The following KALRN variants were observed in gnomAD, a reference collection of about 807,000 sequenced individuals.
KALRN encodes the protein kalirin RhoGEF kinase, also known as kalirin.
In KALRN, 70 loss-of-function variants were observed where a neutral mutation model predicts 353.7. That is an observed-to-expected ratio of 0.20 (90% CI 0.16 to 0.24). KALRN has a LOEUF of 0.24. Ranked by LOEUF, KALRN falls within the 10% of genes least tolerant of loss-of-function variation. The pLI, the probability that KALRN is intolerant of heterozygous loss-of-function variation, is 1.00. For missense variants in KALRN, 2,791 were observed against 3,756.7 expected (o/e 0.74, Z 6.72); for synonymous variants, 1,391 against 1,434.8 (o/e 0.97, Z 0.69).
intron 39 of KALRN, 143 bp downstream of exon 39, chr3:124,655,810 A>C: frequency 3.1e-6 from 2 of 649,560 alleles, no homozygotes; most frequent in Admixed American, 5.2e-5. Flanking sequence ...AATGGTAATA[A>C]GTAGAATATG....
chr3:124,308,686 T>C (rs1057032457), intron 6 of KALRN, among the ~76,000 whole-genome samples: 1 of 151,892 alleles, frequency 6.6e-6, no homozygotes, highest in Non-Finnish European at 1.5e-5. Flanking sequence ...AGAGAGAACA[T>C]ATAGTTGTAA....
At chr3:124,439,176 C>G in intron 18 of KALRN, 139 bp downstream of exon 18, 2 of 649,756 alleles carry the variant, frequency 3.1e-6, no homozygotes, top group Non-Finnish European at 5.0e-6. Context: ...TCCTCCTCCT[C>G]CTTCTTCTCC....
chr3:124,126,380 C>T (rs904442869), intron 1 of KALRN, among the ~76,000 whole-genome samples: 1 of 152,100 alleles, frequency 6.6e-6, no homozygotes, highest in African/African-American at 2.4e-5. Flanking sequence ...TTCTTTCTTT[C>T]AATCATTGAA....
intron 1 of KALRN, among the ~76,000 whole-genome samples, chr3:124,194,478 C>G (rs2075243257): frequency 7.4e-6 from 1 of 134,294 alleles, no homozygotes; most frequent in Non-Finnish European, 1.8e-5. Context: ...ATAGAACTAC[C>G]TACTGCATGG....
At chr3:124,443,614 A>G (rs2093737305) in intron 19 of KALRN, among the ~76,000 whole-genome samples, 1 of 152,242 alleles carries the variant, frequency 6.6e-6, no homozygotes, top group African/African-American at 2.4e-5. Context: ...TTCCAAATGT[A>G]GATGGGAGCT....
intron 34 of KALRN, among the ~76,000 whole-genome samples, chr3:124,622,677 C>T (rs1473583211): frequency 6.6e-6 from 1 of 152,216 alleles, no homozygotes; most frequent in Admixed American, 6.5e-5. Flanking sequence ...AAGCTCCTAA[C>T]ACTATTAGAA....
chr3:124,637,432 T>C, intron 37 of KALRN, 129 bp downstream of exon 37: 1 of 734,294 alleles, frequency 1.4e-6, no homozygotes, highest in South Asian at 1.6e-5. Flanking sequence ...CTAATGATGG[T>C]TTCTAAAAAG....
intron 14 of KALRN, among the ~76,000 whole-genome samples, chr3:124,416,026 C>T (rs2092474213): frequency 6.6e-6 from 1 of 152,146 alleles, no homozygotes; most frequent in Admixed American, 6.5e-5. Context: ...GGGATTTAGC[C>T]CCATGGCCTG....
At chr3:124,465,027 C>T (rs2060198562) in intron 25 of KALRN, among the ~76,000 whole-genome samples, 1 of 152,112 alleles carries the variant, frequency 6.6e-6, no homozygotes, top group African/African-American at 2.4e-5. Flanking sequence ...AGGCAAATAA[C>T]TGTACTGCAT....
intron 45 of KALRN, 116 bp downstream of exon 45, chr3:124,662,044 C>T: frequency 2.5e-6 from 2 of 797,792 alleles, no homozygotes; most frequent in Non-Finnish European, 4.4e-6. Flanking sequence ...TCACTCACCA[C>T]TATGCCTTCC....
At chr3:124,305,903 T>TA (rs984780147) in intron 6 of KALRN, among the ~76,000 whole-genome samples, 3 of 150,332 alleles carry the variant, frequency 2.0e-5, no homozygotes, top group African/African-American at 7.4e-5. Context: ...AGAAAAAAAA[T>TA]AAAAAACAGT....
At chr3:124,088,019 T>C (rs1449944197) in intron 1 of KALRN, among the ~76,000 whole-genome samples, 1 of 152,222 alleles carries the variant, frequency 6.6e-6, no homozygotes, top group African/African-American at 2.4e-5. Flanking sequence ...TTTAAAAATA[T>C]GTATATAAGC....
chr3:124,255,728 C>A (rs1383246485), intron 3 of KALRN, among the ~76,000 whole-genome samples: 5 of 151,960 alleles, frequency 3.3e-5, no homozygotes, highest in African/African-American at 1.2e-4. Context: ...TATCCCAGTG[C>A]AGATGGAGCA....
At chr3:124,186,416 G>A (rs1297021489) in intron 1 of KALRN, among the ~76,000 whole-genome samples, 1 of 152,208 alleles carries the variant, frequency 6.6e-6, no homozygotes, top group Non-Finnish European at 1.5e-5. Flanking sequence ...CCATGGGGTT[G>A]TAGTAGGGAT....
chr3:124,559,370 G>C (rs2071661012), intron 33 of KALRN, among the ~76,000 whole-genome samples: 1 of 152,212 alleles, frequency 6.6e-6, no homozygotes, highest in Non-Finnish European at 1.5e-5. Context: ...CAGGCACTTG[G>C]AGGGAAGCCA....
intron 10 of KALRN, among the ~76,000 whole-genome samples, chr3:124,351,026 C>T (rs916231355): frequency 1.3e-5 from 2 of 152,140 alleles, no homozygotes; most frequent in Non-Finnish European, 2.9e-5. Flanking sequence ...ATGCTGACCA[C>T]AGTGAAGGCA....
At chr3:124,318,140 G>A (rs1005018839) in intron 6 of KALRN, among the ~76,000 whole-genome samples, 4 of 152,202 alleles carry the variant, frequency 2.6e-5, no homozygotes, top group Non-Finnish European at 4.4e-5. Flanking sequence ...ATTGCTATGG[G>A]CAAGCCAGGC....
Position 124,350,981 on chromosome 3 carries a change from G to A in KALRN, c.1770+3716G>A, listed in dbSNP as rs184047270. 3.3e-4 allele frequency among the ~76,000 whole-genome samples: 50 copies of A among 152,250 alleles called. 2 individuals carry two copies. The East Asian group carries it at 8.3e-3, about 25-fold the overall frequency. On this transcript the variant is annotated intron_variant, in intron 10 of 59. Coordinates refer to ENST00000682506, the MANE Select transcript of KALRN (RefSeq NM_001388419.1). ...CCACTCTGGGAGATTGAGTGGCCCA[G>A]CATCCTGGGATTGTTAGTCCACATA...
chr3:124,216,052 A>T (rs1468533853), intron 1 of KALRN, among the ~76,000 whole-genome samples: 1 of 151,998 alleles, frequency 6.6e-6, no homozygotes, highest in Non-Finnish European at 1.5e-5. Flanking sequence ...TGTCTACAAA[A>T]CTCATTTTGT....
Sources: gnomAD v4.1 joint callset for allele counts (sites outside exome capture counted in the v4.1 genomes callset) on GRCh38, gnomAD v4.1.1 for gene constraint, MANE v1.5 for transcripts, NCBI Gene and HGNC (gene_info 2026-07-23, HGNC 2026-07-21) for gene names.